Variants in RHEX observed in about 807,000 individuals in gnomAD.
The protein encoded by RHEX is regulator of hemoglobinization and erythroid cell expansion protein.
A neutral mutation model predicts 20.1 loss-of-function variants in RHEX; 18 were observed. The observed-to-expected ratio is 0.90, with a 90% CI of 0.62 to 1.33. The LOEUF is 1.33. RHEX is among the 40% of genes most tolerant of loss of function. The pLI, the probability that RHEX is intolerant of heterozygous loss-of-function variation, is 0.00. For missense variants in RHEX, 192 were observed against 214.3 expected, an observed-to-expected ratio of 0.90 and a Z score of 0.65; for synonymous variants, 87 against 77.1, an observed-to-expected ratio of 1.13 and a Z score of -0.67.
intron 1 of RHEX, among the ~76,000 whole-genome samples, chr1:206,074,863 C>T (rs1662601511): frequency 6.6e-6 from 1 of 152,196 alleles, no homozygotes; most frequent in African/African-American, 2.4e-5. Flanking sequence ...ACCCTCCCAG[C>T]CCCCTCATAG....
intron 1 of RHEX, among the ~76,000 whole-genome samples, chr1:206,074,589 G>A (rs1662596445): frequency 6.6e-6 from 1 of 152,070 alleles, no homozygotes; most frequent in African/African-American, 2.4e-5. Context: ...ACTGTTGTGC[G>A]CCACCATCAA....
intron 1 of RHEX, among the ~76,000 whole-genome samples, chr1:206,076,046 G>A (rs1553285185): frequency 3.3e-5 from 5 of 152,204 alleles, no homozygotes; most frequent in African/African-American, 1.2e-4. Context: ...TAATGCAATA[G>A]GCATGCATAA....
intron 1 of RHEX, among the ~76,000 whole-genome samples, chr1:206,063,557 G>A (rs1553283662): frequency 6.6e-6 from 1 of 152,250 alleles, no homozygotes; most frequent in Non-Finnish European, 1.5e-5. Flanking sequence ...ACGCCTGACT[G>A]GTTTTCCTAT....
chr1:206,075,121 C>T (rs1553285087), intron 1 of RHEX, among the ~76,000 whole-genome samples: 1 of 152,236 alleles, frequency 6.6e-6, no homozygotes, highest in African/African-American at 2.4e-5. Flanking sequence ...AGGAAGCATT[C>T]ATGTTTATCT....
Position 206,063,542 on chromosome 1 carries a change from C to A in RHEX, c.-97+10277C>A, listed in dbSNP as rs181613047. Among the ~76,000 whole-genome samples, 682 of 152,368 alleles carry A rather than the reference C, an allele frequency of 4.5e-3. 5 individuals are homozygous for A. The highest frequency in any genetic ancestry group is 0.016 in the African/African-American group (650 of 41,586). ...GAGTGCCTGCAATTGCAGGCGCGCG[C>A]CGCCACGCCTGACTGGTTTTCCTAT... On this transcript the variant is annotated intron_variant, in intron 1 of 5. Transcript: ENST00000331555.
At chr1:206,086,241 A>G (rs1662838030) in intron 1 of RHEX, among the ~76,000 whole-genome samples, 1 of 152,192 alleles carries the variant, frequency 6.6e-6, no homozygotes. Context: ...GGCCTTATGG[A>G]AATGGGTGTG....
intron 1 of RHEX, among the ~76,000 whole-genome samples, chr1:206,081,984 A>C (rs1662747657): frequency 6.6e-6 from 1 of 152,194 alleles, no homozygotes; most frequent in Non-Finnish European, 1.5e-5. Context: ...TGGCAGGGCA[A>C]ACCTAGAGCA....
chr1:206,076,688 G>A (rs1181751275), intron 1 of RHEX, among the ~76,000 whole-genome samples: 1 of 152,176 alleles, frequency 6.6e-6, no homozygotes, highest in Admixed American at 6.5e-5. Flanking sequence ...CCTTAGACCA[G>A]GAAAGAATAA....
At chr1:206,063,537 G>A (rs943346555) in intron 1 of RHEX, among the ~76,000 whole-genome samples, 43 of 152,360 alleles carry the variant, frequency 2.8e-4, no homozygotes, top group Admixed American at 6.5e-4. Flanking sequence ...AATTGCAGGC[G>A]CGCGCCGCCA....
intron 1 of RHEX, among the ~76,000 whole-genome samples, chr1:206,064,220 G>A (rs573291359): frequency 0.015 from 2,201 of 149,370 alleles, 16 homozygotes; most frequent in Non-Finnish European, 0.023. Context: ...GGGAAGTGAG[G>A]AGCGTCTCTG....
At chr1:206,082,883 C>T (rs1370772792) in intron 1 of RHEX, among the ~76,000 whole-genome samples, 2 of 152,144 alleles carry the variant, frequency 1.3e-5, no homozygotes, top group Non-Finnish European at 2.9e-5. Flanking sequence ...GTCATTTTAT[C>T]CTCCTCCCAT....
chr1:206,063,816 C>G (rs181430531), intron 1 of RHEX, among the ~76,000 whole-genome samples: 5 of 151,998 alleles, frequency 3.3e-5, no homozygotes, highest in African/African-American at 1.2e-4. Context: ...GCCGCCACCC[C>G]GTCTGGGAAG....
At chr1:206,101,249 C>T in intron 5 of RHEX, 52 bp downstream of exon 5, 1 of 1,451,442 alleles carries the variant, frequency 6.9e-7, no homozygotes. Flanking sequence ...CTGGGGATCC[C>T]TGCTGTAAAA....
intron 1 of RHEX, among the ~76,000 whole-genome samples, chr1:206,073,301 G>T (rs1553284856): frequency 6.6e-6 from 1 of 152,130 alleles, no homozygotes; most frequent in African/African-American, 2.4e-5. Flanking sequence ...TACATTGCCA[G>T]CAGCAGACAG....
intron 1 of RHEX, among the ~76,000 whole-genome samples, chr1:206,057,296 A>G (rs1176215607): frequency 6.6e-6 from 1 of 152,266 alleles, no homozygotes; most frequent in Non-Finnish European, 1.5e-5. Context: ...ATTGGTTCCT[A>G]TAGACCCGGT....
chr1:206,053,793 A>G (rs1553282116), intron 1 of RHEX, among the ~76,000 whole-genome samples: 3 of 152,228 alleles, frequency 2.0e-5, no homozygotes, highest in Non-Finnish European at 1.5e-5. Flanking sequence ...GTTTCCATAC[A>G]TAGAAAGTTA....
intron 5 of RHEX, 119 bp from the exon 6 acceptor site, chr1:206,101,633 C>A: frequency 1.3e-6 from 1 of 750,936 alleles, no homozygotes; most frequent in Admixed American, 2.3e-5. Flanking sequence ...CTATTTGGAC[C>A]CAGATCTTCC....
chr1:206,083,100 A>G (rs1662770589), intron 1 of RHEX, among the ~76,000 whole-genome samples: 1 of 152,250 alleles, frequency 6.6e-6, no homozygotes, highest in African/African-American at 2.4e-5. Flanking sequence ...ATCTTTGAAT[A>G]CATCACATAT....
rs1278662276 is a variant in RHEX, at chr1:206,067,259, G to T, written c.-97+13994G>T. On this transcript the variant is annotated intron_variant, in intron 1 of 5. Coordinates refer to ENST00000331555, the MANE Select transcript of RHEX (RefSeq NM_001007544.4). This position sits in a 1 kb window ranked among gnomAD's most constrained non-coding sequence, Gnocchi z 4.6. Reference sequence around the variant, plus strand: ...TCCATTCAGTCTGTCAGAGGCATCAGATTTCATTCTGGTTCCACAGGGGAC... The same window carrying T: ...TCCATTCAGTCTGTCAGAGGCATCATATTTCATTCTGGTTCCACAGGGGAC... Among the ~76,000 whole-genome samples the T allele has an allele frequency of 6.6e-6, 1 of 152,186 alleles. No homozygotes were observed. Among genetic ancestry groups the T allele is most frequent in the African/African-American group, 2.4e-5 (1 of 41,442 alleles).
Sources: gnomAD v4.1 joint callset for allele counts (sites outside exome capture counted in the v4.1 genomes callset) on GRCh38, gnomAD v4.1.1 for gene constraint, Gnocchi (gnomAD v3.1) non-coding constraint, MANE v1.5 for transcripts, NCBI Gene and HGNC (gene_info 2026-07-23, HGNC 2026-07-21) for gene names.